Variants in MS4A10 observed in about 807,000 individuals in gnomAD.
The protein encoded by MS4A10 is membrane-spanning 4-domains subfamily A member 10.
A neutral mutation model predicts 27.7 loss-of-function variants in MS4A10; 27 were observed. The observed-to-expected ratio is 0.98, with a 90% CI of 0.72 to 1.35. The LOEUF (loss-of-function observed/expected upper bound fraction) is 1.35. Ranked by LOEUF, MS4A10 falls within the 40% of genes most tolerant of loss-of-function variation. The pLI is 0.00. For missense variants in MS4A10, 338 were observed against 324.7 expected (o/e 1.04, Z -0.32); for synonymous variants, 139 against 131.2 (o/e 1.06, Z -0.41).
Position 60,799,832 on chromosome 11 carries a change from A to C in MS4A10, c.727A>C (p.Arg243=). The C allele has an allele frequency of 2.1e-6, 3 of 1,410,542 alleles. No individual in the cohort carries two copies. Among genetic ancestry groups the C allele is most frequent in the Non-Finnish European group, 3.0e-6 (3 of 998,744 alleles). 87.4% of individuals were successfully genotyped at this position (1,410,542 alleles called of 1,614,324 possible). The stretch of plus-strand genomic sequence containing the variant: ...TAATATCTCCATTTCATGCAGGCTC[A>C]GAGAAGTTAAGCAAGTTGCCCCGGA... The part of the protein sequence containing the change: ...DAQHKQHQRL[R]EVKQVAPDTW... The change falls in exon 8 of 8, where the codon AGA becomes CGA. Residue 243 remains arginine, a synonymous_variant. Coordinates refer to ENST00000308287, the MANE Select transcript of MS4A10 (RefSeq NM_206893.4).
chr11:60,799,771 C>T (rs1462898911), intron 7 of MS4A10, 57 bp from the exon 8 acceptor site: 1 of 806,482 alleles, frequency 1.2e-6, no homozygotes, highest in Non-Finnish European at 2.2e-6. Context: ...GTCATTTAAT[C>T]CTCCCATCGA....
chr11:60,788,912 A>G (rs1224907464), intron 1 of MS4A10, among the ~76,000 whole-genome samples: 4 of 152,174 alleles, frequency 2.6e-5, no homozygotes, highest in African/African-American at 9.7e-5. Flanking sequence ...TTCCTCTTCT[A>G]TGCAATGGTG....
At chr11:60,793,112 G>T (rs765122004) in intron 4 of MS4A10, among the ~76,000 whole-genome samples, 2 of 152,026 alleles carry the variant, frequency 1.3e-5, no homozygotes, top group African/African-American at 4.8e-5. Context: ...TTCTGCCCCC[G>T]AAGCCCAAGC....
chr11:60,796,260 G>A (rs1189108368), intron 6 of MS4A10, among the ~76,000 whole-genome samples: 1 of 152,026 alleles, frequency 6.6e-6, no homozygotes. Context: ...GATAAATATA[G>A]CTGTATTTAA....
intron 6 of MS4A10, among the ~76,000 whole-genome samples, chr11:60,798,195 C>T (rs1349445894): frequency 6.6e-6 from 1 of 152,202 alleles, no homozygotes; most frequent in Admixed American, 6.5e-5. Context: ...TGTGGGCCTC[C>T]CCCTACTCCC....
In MS4A10 at chr11:60,790,846, C is replaced by T. The variant is rs998500541; in HGVS notation, c.184-128C>T. The T allele has an allele frequency of 4.0e-5, 54 of 1,353,262 alleles. 1 individual carries two copies. In the East Asian group the frequency reaches 1.2e-3, roughly 30 times the overall value. The allele number at this position is 1,353,262 out of a possible 1,614,324, so 83.8% of individuals were successfully genotyped here. ...CTGGGGAGTGGTCCTTCTTAGAGAG[C>T]CTGGTCTCTGGGATCCCTAAGAGGA... is the stretch of plus-strand genomic sequence containing the variant. On this transcript the variant is annotated intron_variant, in intron 2 of 7. Coordinates refer to ENST00000308287, the MANE Select transcript of MS4A10 (RefSeq NM_206893.4).
intron 1 of MS4A10, among the ~76,000 whole-genome samples, chr11:60,786,167 A>G (rs1348601128): frequency 1.4e-5 from 2 of 138,268 alleles, no homozygotes; most frequent in Non-Finnish European, 3.0e-5. Context: ...ATGCATGCAC[A>G]CACATGCACA....
intron 6 of MS4A10, among the ~76,000 whole-genome samples, chr11:60,798,015 T>C (rs921574001): frequency 6.6e-6 from 1 of 152,332 alleles, no homozygotes; most frequent in South Asian, 2.1e-4. Context: ...GCAGCAATCA[T>C]TGGCAGACAC....
At chr11:60,798,154 C>T (rs1854562531) in intron 6 of MS4A10, among the ~76,000 whole-genome samples, 2 of 152,196 alleles carry the variant, frequency 1.3e-5, no homozygotes, top group South Asian at 2.1e-4. Flanking sequence ...GGTAGCGGGA[C>T]GGGAACCAGA....
chr11:60,798,924 G>T (rs532867346), intron 7 of MS4A10, among the ~76,000 whole-genome samples: 2 of 152,334 alleles, frequency 1.3e-5, no homozygotes, highest in Admixed American at 1.3e-4. Context: ...GGGCAGCCAG[G>T]AAGGAAGGTC....
chr11:60,796,109 T>C (rs1854527190), intron 6 of MS4A10, among the ~76,000 whole-genome samples: 1 of 152,106 alleles, frequency 6.6e-6, no homozygotes, highest in South Asian at 2.1e-4. Flanking sequence ...GGAGTTTGGC[T>C]GTAGTGGAAA....
At chr11:60,787,025 G>T (rs1590994889) in intron 1 of MS4A10, among the ~76,000 whole-genome samples, 1 of 152,172 alleles carries the variant, frequency 6.6e-6, no homozygotes, top group South Asian at 2.1e-4. Flanking sequence ...GCTTTGCTGG[G>T]GGGTTCTGGA....
chr11:60,798,175 G>A (rs1854563201), intron 6 of MS4A10, among the ~76,000 whole-genome samples: 1 of 152,236 alleles, frequency 6.6e-6, no homozygotes, highest in South Asian at 2.1e-4. Flanking sequence ...GCCCCATCCA[G>A]TGACTCCCAT....
At chr11:60,799,721 C>A in intron 7 of MS4A10, 107 bp from the exon 8 acceptor site, 1 of 686,306 alleles carries the variant, frequency 1.5e-6, no homozygotes. Context: ...CTTTACTGGG[C>A]CACTGACTCT....
In MS4A10 at chr11:60,801,160, G is replaced by A. The variant is rs1207379485; in HGVS notation, c.*1251G>A. On this transcript the variant is annotated 3_prime_UTR_variant, in exon 8 of 8. Coordinates refer to ENST00000308287, the MANE Select transcript of MS4A10 (RefSeq NM_206893.4). ...CCTTAGCTTGGTTGTCTAAAGACAT[G>A]GGTGCAAACTCTAGGCTAGCTCTGC... The A allele has an allele frequency of 6.6e-6, 1 of 152,226 alleles. No individual in the cohort carries two copies. Among genetic ancestry groups the A allele is most frequent in the Non-Finnish European group, 1.5e-5 (1 of 68,042 alleles). The allele number at this position is 152,226 out of a possible 1,614,324, so 9.4% of individuals were successfully genotyped here.
In MS4A10 at chr11:60,800,783, T is replaced by A. The variant is rs1044371138; in HGVS notation, c.*874T>A. ...CAAATGTTTAGGACAACCCAGTCTT[T>A]CTTTTTTTTTTTTTTTTTTTTTTTT... On this transcript the variant is annotated 3_prime_UTR_variant, in exon 8 of 8. Coordinates refer to ENST00000308287, the MANE Select transcript of MS4A10 (RefSeq NM_206893.4). 1 of 108,408 alleles carries A rather than the reference T, an allele frequency of 9.2e-6. No individual in the cohort carries two copies. Among genetic ancestry groups the A allele is most frequent in the Non-Finnish European group, 1.7e-5 (1 of 58,086 alleles). 6.7% of individuals were successfully genotyped at this position (108,408 alleles called of 1,614,324 possible).
chr11:60,795,098 G>GCA (rs928728172), intron 5 of MS4A10, among the ~76,000 whole-genome samples: 1 of 152,068 alleles, frequency 6.6e-6, no homozygotes, highest in African/African-American at 2.4e-5. Context: ...ACATGTGCGT[G>GCA]CACACACACA....
intron 6 of MS4A10, among the ~76,000 whole-genome samples, chr11:60,796,335 T>C (rs1000368961): frequency 6.6e-6 from 1 of 152,066 alleles, no homozygotes; most frequent in African/African-American, 2.4e-5. Context: ...CAGGCTGGAG[T>C]ACAGTGGCAC....
In MS4A10 at chr11:60,800,231, A is replaced by C; in HGVS notation, c.*322A>C. The C allele has an allele frequency of 3.1e-5, 9 of 289,666 alleles. No individual in the cohort carries two copies. The highest frequency in any genetic ancestry group is 1.4e-4 in the South Asian group (2 of 14,668). The allele number at this position is 289,666 out of a possible 1,614,324, so 17.9% of individuals were successfully genotyped here. ...AGTGGCACTATCTCAGCTCACTGCA[A>C]TCTCCGCCTCCCTGGTTCAAGTGAT... On this transcript the variant is annotated 3_prime_UTR_variant, in exon 8 of 8. Transcript: ENST00000308287.
Sources: gnomAD v4.1 joint callset for allele counts (sites outside exome capture counted in the v4.1 genomes callset) on GRCh38, gnomAD v4.1.1 for gene constraint, MANE v1.5 for transcripts, NCBI Gene and HGNC (gene_info 2026-07-23, HGNC 2026-07-21) for gene names.